The following ENY2 variants were observed in gnomAD, a reference collection of about 807,000 sequenced individuals.
ENY2 encodes transcription and mRNA export factor ENY2.
In ENY2, 4 loss-of-function variants were observed where a neutral mutation model predicts 15.9. That is an observed-to-expected ratio of 0.25 (90% CI 0.12 to 0.57). The LOEUF (loss-of-function observed/expected upper bound fraction) is 0.57. Ranked by LOEUF, ENY2 falls within the 20% of genes least tolerant of loss-of-function variation. ENY2 has a pLI of 0.91. For synonymous variants in ENY2, 48 were observed against 38.0 expected (o/e 1.26, Z -0.97); for missense variants, 54 against 117.2 (o/e 0.46, Z 2.49).
At chr8:109,335,737 G>C (rs1266184627) in intron 1 of ENY2, 1 of 156,226 alleles carries the variant, frequency 6.4e-6, no homozygotes, top group African/African-American at 2.4e-5. Flanking sequence ...CCAATTTTTG[G>C]ATGCAGTCTC....
At chr8:109,336,992 A>G (rs1430633376) in intron 2 of ENY2, among the ~76,000 whole-genome samples, 1 of 151,668 alleles carries the variant, frequency 6.6e-6, no homozygotes, top group African/African-American at 2.4e-5. Flanking sequence ...CCGGGCATTC[A>G]GGTGATCATG....
In ENY2 at chr8:109,336,318, A is replaced by G. The variant is rs537144936; in HGVS notation, c.83+114A>G. 40 of 945,196 alleles carry G rather than the reference A, an allele frequency of 4.2e-5. 1 individual carries two copies. Among genetic ancestry groups the G allele is most frequent in the Middle Eastern group, 4.8e-4 (2 of 4,142 alleles). 58.6% of individuals were successfully genotyped at this position (945,196 alleles called of 1,614,324 possible). On this transcript the variant is annotated intron_variant, in intron 2 of 4. Transcript: ENST00000521688. Reference sequence around the variant, plus strand: ...TGGAAAGAATTACAATTGAGATTATAAAAGTTTCTATTCCGAACATCTGGA... The same window carrying G: ...TGGAAAGAATTACAATTGAGATTATGAAAGTTTCTATTCCGAACATCTGGA...
At position 109,345,742 on chromosome 8, in the gene ENY2, A is replaced by G. The variant is rs527580728; in HGVS notation, c.*2261A>G. 2.6e-5 allele frequency: 4 copies of G among 152,346 alleles called. No individual in the cohort carries two copies. The highest frequency in any genetic ancestry group is 9.6e-5 in the African/African-American group (4 of 41,592). The allele number at this position is 152,346 out of a possible 1,614,324, so 9.4% of individuals were successfully genotyped here. A position where few individuals can be genotyped will look rare whatever the true frequency, so the allele number is the denominator to read the frequency against. On this transcript the variant is annotated 3_prime_UTR_variant, in exon 5 of 5. Transcript: ENST00000521688. The stretch of plus-strand genomic sequence containing the variant: ...ATTACCTCAAAAATATATAAAAATG[A>G]AAACGTTATGAAAATATTTTAAAAT...
chr8:109,339,286 A>G (rs940938443), intron 2 of ENY2, 34 bp from the exon 3 acceptor site: 11 of 1,594,394 alleles, frequency 6.9e-6, no homozygotes, highest in African/African-American at 1.3e-5. Flanking sequence ...GATGTTATAC[A>G]TTGTTCAATT....
chr8:109,343,090 T>A (rs767747993), intron 4 of ENY2, among the ~76,000 whole-genome samples: 3 of 152,216 alleles, frequency 2.0e-5, no homozygotes, highest in Non-Finnish European at 4.4e-5. Context: ...CATAAATTGT[T>A]ACTATGTTTT....
chr8:109,335,499 A>T (rs1324278033), intron 1 of ENY2: 1 of 151,094 alleles, frequency 6.6e-6, no homozygotes, highest in Admixed American at 6.6e-5. Flanking sequence ...AGTAGCTGGG[A>T]TTACAGACAC....
intron 4 of ENY2, chr8:109,342,588 G>A (rs1404455906): frequency 3.3e-6 from 2 of 607,928 alleles, no homozygotes; most frequent in East Asian, 6.6e-5. Flanking sequence ...TGGCTCACTA[G>A]CCCGGATCTC....
intron 4 of ENY2, 111 bp downstream of exon 4, chr8:109,340,674 T>C (rs1816092311): frequency 1.4e-6 from 2 of 1,404,650 alleles, no homozygotes; most frequent in Non-Finnish European, 1.9e-6. Flanking sequence ...CTACCTGTGT[T>C]GCCTCTTGTA....
chr8:109,342,352 A>G (rs185887910), intron 4 of ENY2, among the ~76,000 whole-genome samples: 2 of 151,480 alleles, frequency 1.3e-5, no homozygotes, highest in Admixed American at 1.3e-4. Context: ...ACGTAATATG[A>G]GAGTGCTCCC....
Position 109,334,426 on chromosome 8 carries a change from G to A in ENY2, c.-43G>A, listed in dbSNP as rs966195799. On this transcript the variant is annotated 5_prime_UTR_variant, in exon 1 of 5. Coordinates refer to ENST00000521688, the MANE Select transcript of ENY2 (RefSeq NM_020189.6). ...TGGTAGGTAACGGTCCTCAGCGCAA[G>A]GGTCATTTCGTCGCTGGGAAGGGAC... 4 of 1,613,762 alleles carry A rather than the reference G, an allele frequency of 2.5e-6. No homozygotes were observed. Among genetic ancestry groups the A allele is most frequent in the Non-Finnish European group, 3.4e-6 (4 of 1,179,914 alleles).
rs766926945 is a variant in ENY2, at chr8:109,336,164, G to A, written c.43G>A (p.Ala15Thr). 6 of 1,613,622 alleles carry A rather than the reference G, an allele frequency of 3.7e-6. No homozygotes were observed. The highest frequency in any genetic ancestry group is 5.1e-6 in the Non-Finnish European group (6 of 1,179,638). ...KMNKDAQMRA[A>T]INQKLIETGE... Reference sequence around the variant, plus strand: ...GAACAAAGATGCGCAGATGAGAGCAGCGATTAACCAAAAGTTGATAGAAAC... The same window carrying A: ...GAACAAAGATGCGCAGATGAGAGCAACGATTAACCAAAAGTTGATAGAAAC... Residue 15 changes from alanine (A) to threonine (T), a missense_variant, in exon 2 of 5, where the codon GCG becomes ACG. Coordinates refer to ENST00000521688, the MANE Select transcript of ENY2 (RefSeq NM_020189.6).
At chr8:109,340,107 A>C (rs1215760666) in intron 3 of ENY2, among the ~76,000 whole-genome samples, 1 of 101,774 alleles carries the variant, frequency 9.8e-6, no homozygotes, top group African/African-American at 3.2e-5. Flanking sequence ...TGAAGTGGGA[A>C]AATGCCTAGC....
In ENY2 at chr8:109,343,573, T is replaced by C. The variant is rs1455401147; in HGVS notation, c.*92T>C. The C allele has an allele frequency of 1.7e-6, 2 of 1,161,616 alleles. No individual in the cohort carries two copies. Among genetic ancestry groups the C allele is most frequent in the Non-Finnish European group, 2.5e-6 (2 of 801,962 alleles). 72.0% of individuals were successfully genotyped at this position (1,161,616 alleles called of 1,614,324 possible). On this transcript the variant is annotated 3_prime_UTR_variant, in exon 5 of 5. Transcript: ENST00000521688. ...AATTTCCCAAAATAAAATCCTTTTT[T>C]GTATGATGGTATACAGTTTTCAGTA...
intron 3 of ENY2, chr8:109,339,891 A>G (rs1257730122): frequency 6.4e-6 from 1 of 155,170 alleles, no homozygotes; most frequent in African/African-American, 2.4e-5. Flanking sequence ...CTTTTGATAT[A>G]ATGGAACTCT....
rs767904373 is a variant in ENY2, at chr8:109,336,133, C to T, written c.12C>T (p.Ser4=). The T allele has an allele frequency of 6.2e-7, 1 of 1,613,130 alleles. No homozygotes were observed. Among genetic ancestry groups the T allele is most frequent in the South Asian group, 1.1e-5 (1 of 90,972 alleles). ...AAGTACATGTTGATGTCCAGGTTAG[C>T]AAGATGAACAAAGATGCGCAGATGA... MVV[S]KMNKDAQMRA... is the part of the protein sequence containing the mutation. Residue 4 remains serine, a synonymous_variant, in exon 2 of 5, where the codon AGC becomes AGT. Coordinates refer to ENST00000521688, the MANE Select transcript of ENY2 (RefSeq NM_020189.6).
intron 2 of ENY2, 87 bp from the exon 3 acceptor site, chr8:109,339,233 T>A: frequency 7.9e-7 from 1 of 1,272,404 alleles, no homozygotes; most frequent in South Asian, 1.3e-5. Flanking sequence ...GCAGGGAATT[T>A]TTAGTTGAAC....
chr8:109,343,694 A>G lies in ENY2; in HGVS notation c.*213A>G, dbSNP rs941624178. The G allele has an allele frequency of 1.2e-5, 6 of 487,316 alleles. No individual in the cohort carries two copies. Among genetic ancestry groups the G allele is most frequent in the African/African-American group, 1.2e-4 (6 of 49,772 alleles). 30.2% of individuals were successfully genotyped at this position (487,316 alleles called of 1,614,324 possible). A position where few individuals can be genotyped will look rare whatever the true frequency, so the allele number is the denominator to read the frequency against. On this transcript the variant is annotated 3_prime_UTR_variant, in exon 5 of 5. Transcript: ENST00000521688. ...GAAGTTTGCTTGGATTTTGAAATGA[A>G]TGGGACTTTGTCTTTATTACTAATT...
chr8:109,341,599 T>C (rs1188731946), intron 4 of ENY2, among the ~76,000 whole-genome samples: 1 of 152,202 alleles, frequency 6.6e-6, no homozygotes, highest in Non-Finnish European at 1.5e-5. Context: ...TATCCTTTGC[T>C]TCTCCTTCGA....
intron 1 of ENY2, 68 bp from the exon 2 acceptor site, chr8:109,336,060 T>A: frequency 6.9e-7 from 1 of 1,447,816 alleles, no homozygotes. Context: ...TTAGGATGCC[T>A]GCCTAGAGGA....
Sources: gnomAD v4.1 joint callset for allele counts (sites outside exome capture counted in the v4.1 genomes callset) on GRCh38, gnomAD v4.1.1 for gene constraint, MANE v1.5 for transcripts, NCBI Gene and HGNC (gene_info 2026-07-23, HGNC 2026-07-21) for gene names.